MAD1L1: variants seen among roughly 807,000 people sequenced by gnomAD.
The protein encoded by MAD1L1 is mitotic arrest deficient 1 like 1, also known as mitotic spindle assembly checkpoint protein MAD1.
In MAD1L1, 95 loss-of-function variants were observed where a neutral mutation model predicts 96.9. The ratio of observed to expected loss-of-function variants is 0.98; its 90% CI spans 0.83 to 1.16. MAD1L1 has a LOEUF of 1.16. MAD1L1 is among the 50% of genes most tolerant of loss of function. The probability of loss-of-function intolerance (pLI) is 0.00; values close to 1 mark genes in which losing one functional copy is unlikely to be tolerated. For synonymous variants in MAD1L1, 473 were observed against 396.6 expected, an observed-to-expected ratio of 1.19 and a Z score of -2.29; for missense variants, 1,007 against 954.4, an observed-to-expected ratio of 1.06 and a Z score of -0.73.
chr7:1,983,571 T>A (rs1290060775), intron 14 of MAD1L1, among the ~76,000 whole-genome samples: 3 of 152,224 alleles, frequency 2.0e-5, no homozygotes, highest in Non-Finnish European at 4.4e-5. Flanking sequence ...CAGACAAAAC[T>A]CATAATTCTC....
intron 3 of MAD1L1, among the ~76,000 whole-genome samples, chr7:2,229,709 G>A (rs1327072326): frequency 6.6e-6 from 1 of 152,260 alleles, no homozygotes; most frequent in Non-Finnish European, 1.5e-5. Context: ...TGTCACCAGG[G>A]TCTGTGAGTG....
At chr7:1,978,339 T>G (rs1780740083) in intron 15 of MAD1L1, among the ~76,000 whole-genome samples, 2 of 152,222 alleles carry the variant, frequency 1.3e-5, no homozygotes, top group South Asian at 4.1e-4. Context: ...GGGGCTGCTC[T>G]TGCAAGTCAG....
At chr7:2,177,137 C>G (rs1484359349) in intron 10 of MAD1L1, among the ~76,000 whole-genome samples, 2 of 152,222 alleles carry the variant, frequency 1.3e-5, no homozygotes, top group African/African-American at 4.8e-5. Context: ...ATGAAATAGT[C>G]TGGTCAAGTT....
intron 13 of MAD1L1, among the ~76,000 whole-genome samples, chr7:2,008,402 G>A (rs1055640081): frequency 3.3e-4 from 51 of 152,378 alleles, no homozygotes; most frequent in Middle Eastern, 3.4e-3. Flanking sequence ...TCACCTTCGG[G>A]GGACACAGAC....
intron 11 of MAD1L1, among the ~76,000 whole-genome samples, chr7:2,106,197 G>C (rs532519217): frequency 6.6e-6 from 1 of 151,750 alleles, no homozygotes; most frequent in Non-Finnish European, 1.5e-5. Flanking sequence ...TGGGCCCTTA[G>C]TGCTGGCACA....
At chr7:1,945,821 G>A (rs920473927) in intron 16 of MAD1L1, among the ~76,000 whole-genome samples, 3 of 152,204 alleles carry the variant, frequency 2.0e-5, no homozygotes, top group African/African-American at 4.8e-5. Flanking sequence ...GGGACTCAGA[G>A]GGTGGCCTGA....
intron 16 of MAD1L1, among the ~76,000 whole-genome samples, chr7:1,953,508 G>A (rs553621126): frequency 1.3e-5 from 2 of 152,218 alleles, no homozygotes; most frequent in Admixed American, 6.5e-5. Flanking sequence ...ATCGAGGAAC[G>A]GCTGGAGCAC....
intron 18 of MAD1L1, among the ~76,000 whole-genome samples, chr7:1,854,091 C>T (rs1784117628): frequency 6.6e-6 from 1 of 152,178 alleles, no homozygotes. Flanking sequence ...ATTTATCCAC[C>T]CCATCCAGGC....
At chr7:2,232,651 G>C (rs992223594) in intron 1 of MAD1L1, among the ~76,000 whole-genome samples, 3 of 152,174 alleles carry the variant, frequency 2.0e-5, no homozygotes, top group Non-Finnish European at 2.9e-5. Flanking sequence ...CAGCCCAAAG[G>C]GGGAGTGGGG....
intron 18 of MAD1L1, among the ~76,000 whole-genome samples, chr7:1,889,260 G>T (rs1786388029): frequency 6.6e-6 from 1 of 152,260 alleles, no homozygotes; most frequent in South Asian, 2.1e-4. Context: ...CCCGACGGGG[G>T]CTGACTAGCA....
At chr7:1,873,752 C>T (rs1027349743) in intron 18 of MAD1L1, among the ~76,000 whole-genome samples, 23 of 152,086 alleles carry the variant, frequency 1.5e-4, no homozygotes, top group Middle Eastern at 3.4e-3. Context: ...CTGATGGACA[C>T]CCCCACCGAA....
chr7:2,067,671 G>C (rs150926586), intron 12 of MAD1L1, among the ~76,000 whole-genome samples: 1 of 152,248 alleles, frequency 6.6e-6, no homozygotes, highest in African/African-American at 2.4e-5. Flanking sequence ...GGCCCAAGCC[G>C]CTGTCTCCTC....
chr7:1,957,284 G>C (rs527486279), intron 16 of MAD1L1, among the ~76,000 whole-genome samples: 1 of 152,244 alleles, frequency 6.6e-6, no homozygotes, highest in Non-Finnish European at 1.5e-5. Flanking sequence ...AACTCAGGAG[G>C]ATGAAAACCA....
At chr7:2,126,796 C>T (rs1341223355) in intron 11 of MAD1L1, among the ~76,000 whole-genome samples, 1 of 152,216 alleles carries the variant, frequency 6.6e-6, no homozygotes, top group Non-Finnish European at 1.5e-5. Context: ...CCACGAGCCT[C>T]CGCCAGGCAG....
chr7:1,963,156 G>T (rs1006379161), intron 15 of MAD1L1, among the ~76,000 whole-genome samples: 2 of 152,166 alleles, frequency 1.3e-5, no homozygotes, highest in Admixed American at 6.5e-5. Flanking sequence ...ATATCCAGCA[G>T]TTTCAGAATA....
chr7:1,894,386 C>G (rs750917088), intron 18 of MAD1L1, among the ~76,000 whole-genome samples: 3 of 152,152 alleles, frequency 2.0e-5, no homozygotes, highest in Non-Finnish European at 4.4e-5. Context: ...CACACAGGGC[C>G]GGCAGAGCTA....
chr7:1,868,422 C>G (rs1562473151), intron 18 of MAD1L1, among the ~76,000 whole-genome samples: 2 of 152,136 alleles, frequency 1.3e-5, no homozygotes, highest in Admixed American at 6.5e-5. Context: ...GCCTCCCGGG[C>G]TGCGTGCTGC....
At chr7:1,914,219 T>C (rs1470678255) in intron 17 of MAD1L1, among the ~76,000 whole-genome samples, 1 of 152,130 alleles carries the variant, frequency 6.6e-6, no homozygotes, top group Non-Finnish European at 1.5e-5. Context: ...GATGGCGCTG[T>C]GATGGGTGGC....
chr7:2,011,204 T>C (rs1782285904), intron 13 of MAD1L1, among the ~76,000 whole-genome samples: 1 of 151,472 alleles, frequency 6.6e-6, no homozygotes, highest in Admixed American at 6.6e-5. Context: ...ACACGCGGCA[T>C]GTGCAGGGTC....
Sources: allele counts gnomAD v4.1 joint callset (sites outside exome capture counted in the v4.1 genomes callset), GRCh38; gene constraint gnomAD v4.1.1; transcripts MANE v1.5; gene names NCBI Gene and HGNC (gene_info 2026-07-23, HGNC 2026-07-21).